F2RL1: variants seen among roughly 807,000 people sequenced by gnomAD.
The protein encoded by F2RL1 is proteinase-activated receptor 2.
Under a neutral mutation model 21.7 loss-of-function variants are expected in F2RL1, and 16 were observed. The ratio of observed to expected loss-of-function variants is 0.74; its 90% CI spans 0.50 to 1.12. F2RL1 has a LOEUF of 1.12. Among genes scored for constraint, F2RL1 ranks in the 50% most tolerant of loss-of-function variants. The pLI, the probability that F2RL1 is intolerant of heterozygous loss-of-function variation, is 0.00. For missense variants in F2RL1, 432 were observed against 477.8 expected (o/e 0.90, Z 0.89); for synonymous variants, 181 against 186.7 (o/e 0.97, Z 0.25).
intron 1 of F2RL1, 107 bp downstream of exon 1, chr5:76,819,371 C>A: frequency 1.1e-6 from 1 of 919,348 alleles, no homozygotes; most frequent in South Asian, 1.7e-5. Context: ...GTTCTGCTGC[C>A]GGCACCCATC....
intron 1 of F2RL1, among the ~76,000 whole-genome samples, chr5:76,826,855 G>T (rs557858966): frequency 2.7e-5 from 4 of 149,914 alleles, no homozygotes; most frequent in African/African-American, 9.8e-5. Context: ...TGGACATTTG[G>T]ATTGTTTCCA....
chr5:76,828,247 G>A (rs1750281276), intron 1 of F2RL1, among the ~76,000 whole-genome samples: 1 of 152,132 alleles, frequency 6.6e-6, no homozygotes, highest in South Asian at 2.1e-4. Flanking sequence ...GGGATTAGAG[G>A]TGTGAGCTAC....
chr5:76,833,924 T>C lies in F2RL1; in HGVS notation c.*123T>C. The C allele has an allele frequency of 1.9e-6, 2 of 1,050,562 alleles. No individual in the cohort carries two copies. The highest frequency in any genetic ancestry group is 3.3e-5 in the South Asian group (2 of 60,978). The allele number at this position is 1,050,562 out of a possible 1,614,324, so 65.1% of individuals were successfully genotyped here. A position where few individuals can be genotyped will look rare whatever the true frequency, so the allele number is the denominator to read the frequency against. ...CCACATACCATGTGGATGCAGCACC[T>C]CTCAGGATTGCTAGGAGCTCCCCTG... On this transcript the variant is annotated 3_prime_UTR_variant, in exon 2 of 2. Coordinates refer to ENST00000296677, the MANE Select transcript of F2RL1 (RefSeq NM_005242.6).
At chr5:76,824,157 A>ACC (rs1431155066) in intron 1 of F2RL1, among the ~76,000 whole-genome samples, 141 of 52,270 alleles carry the variant, frequency 2.7e-3, no homozygotes, top group Admixed American at 4.0e-3. Flanking sequence ...CCTCCCCACC[A>ACC]CACCCCCCCC....
intron 1 of F2RL1, 136 bp downstream of exon 1, chr5:76,819,400 T>A: frequency 2.7e-6 from 2 of 731,524 alleles, no homozygotes; most frequent in Non-Finnish European, 4.3e-6. Context: ...TCCCTTAGCC[T>A]CCCCTTGGTG....
At chr5:76,820,854 C>T (rs1221081358) in intron 1 of F2RL1, among the ~76,000 whole-genome samples, 1 of 152,152 alleles carries the variant, frequency 6.6e-6, no homozygotes, top group Non-Finnish European at 1.5e-5. Context: ...CCTCATCCTC[C>T]CCCCACCATA....
rs1168103965 is a variant in F2RL1 at position 76,833,762 on chromosome 5, T to C, written c.1155T>C (p.Ser385=). 6.2e-7 allele frequency: 1 copy of C among 1,613,964 alleles called. No homozygotes were observed. The highest frequency in any genetic ancestry group is 2.2e-5 in the East Asian group (1 of 44,864). ...TSKKHSRKSS[S]YSSSSTTVKT... Reference sequence around the variant, plus strand: ...AGAAACACTCCAGGAAATCCAGCTCTTACTCTTCAAGTTCAACCACTGTTA... The same window carrying C: ...AGAAACACTCCAGGAAATCCAGCTCCTACTCTTCAAGTTCAACCACTGTTA... The change falls in exon 2 of 2, where the codon TCT becomes TCC. Residue 385 remains serine (S), a synonymous_variant. Coordinates refer to ENST00000296677, the MANE Select transcript of F2RL1 (RefSeq NM_005242.6).
In F2RL1 at chr5:76,819,258, A is replaced by G; in HGVS notation, c.76A>G (p.Ile26Val). The change falls in exon 1 of 2, where the codon ATC becomes GTC. Residue 26 changes from isoleucine to valine, a missense_variant. By Grantham distance (29) the Ile-to-Val change is conservative. Coordinates refer to ENST00000296677, the MANE Select transcript of F2RL1 (RefSeq NM_005242.6). ...AGCCTCTCTCTCCTGCAGTGGCACCATCCAAGGTGAGAAACCTGGCCAAGG... is the reference window on the plus strand; with the variant it reads ...AGCCTCTCTCTCCTGCAGTGGCACCGTCCAAGGTGAGAAACCTGGCCAAGG... The part of the protein sequence containing the change: ...LAASLSCSGT[I>V]QGTSRSSKGR... 1 of 1,590,412 alleles carries G rather than the reference A, an allele frequency of 6.3e-7. No individual in the cohort carries two copies. Among genetic ancestry groups the G allele is most frequent in the Non-Finnish European group, 8.5e-7 (1 of 1,177,130 alleles).
intron 1 of F2RL1, among the ~76,000 whole-genome samples, chr5:76,830,821 A>G (rs1388828688): frequency 6.6e-6 from 1 of 152,222 alleles, no homozygotes; most frequent in East Asian, 1.9e-4. Context: ...CCAGGCTAGC[A>G]TCCCAAATAG....
intron 1 of F2RL1, among the ~76,000 whole-genome samples, chr5:76,826,213 A>C (rs1384641994): frequency 6.6e-6 from 1 of 151,944 alleles, no homozygotes; most frequent in Non-Finnish European, 1.5e-5. Context: ...CATATCAGAT[A>C]ATTTGCACAC....
intron 1 of F2RL1, among the ~76,000 whole-genome samples, chr5:76,819,668 A>AG (rs2150603730): frequency 6.6e-6 from 1 of 152,232 alleles, no homozygotes; most frequent in African/African-American, 2.4e-5. Context: ...TAAGTCATTA[A>AG]GAGCTTTTTG....
Position 76,833,033 on chromosome 5 carries a change from T to A in F2RL1, c.426T>A (p.Ile142=). Residue 142 remains isoleucine (I), a synonymous_variant, in exon 2 of 2, where the codon ATT becomes ATA. Transcript: ENST00000296677. The part of the protein sequence containing the change: ...IAYHIHGNNW[I]YGEALCNVLI... The stretch of plus-strand genomic sequence containing the variant: ...ATCACATACATGGCAACAACTGGAT[T>A]TATGGGGAAGCTCTTTGTAATGTGC... 6.2e-7 allele frequency: 1 copy of A among 1,614,166 alleles called. No individual in the cohort carries two copies. Among genetic ancestry groups the A allele is most frequent in the Non-Finnish European group, 8.5e-7 (1 of 1,179,986 alleles).
intron 1 of F2RL1, among the ~76,000 whole-genome samples, chr5:76,827,745 G>A (rs3135471): frequency 0.18 from 27,908 of 151,316 alleles, 3,171 homozygotes; most frequent in South Asian, 0.29. Flanking sequence ...GACTATAGGC[G>A]TGTGCCACCA....
chr5:76,821,642 A>G lies in F2RL1; in HGVS notation c.82+2378A>G, dbSNP rs2243006. Among the ~76,000 whole-genome samples the G allele has an allele frequency of 4.5e-3, 656 of 147,264 alleles. 6 individuals carry two copies. Among genetic ancestry groups the G allele is most frequent in the African/African-American group, 0.015 (610 of 39,936 alleles). On this transcript the variant is annotated intron_variant, in intron 1 of 1. Transcript: ENST00000296677. The stretch of plus-strand genomic sequence containing the variant: ...GCCCAGGCTTGAGTGCAGTGGTGCA[A>G]TTTTGGCTCATTGCAACCTCCACCT...
chr5:76,832,966 C>T lies in F2RL1; in HGVS notation c.359C>T (p.Ala120Val), dbSNP rs1283196455. Residue 120 changes from alanine to valine, a missense_variant, in exon 2 of 2, where the codon GCT becomes GTT. Physicochemically the swap from Ala to Val is moderately conservative, Grantham distance 64. Coordinates refer to ENST00000296677, the MANE Select transcript of F2RL1 (RefSeq NM_005242.6). ...ATTTACATGGCCAATCTGGCCTTGG[C>T]TGACCTCCTCTCTGTCATCTGGTTC... is the stretch of plus-strand genomic sequence containing the variant. ...AVIYMANLALADLLSVIWFPL... is the reference protein window; with the variant it reads ...AVIYMANLALVDLLSVIWFPL... The T allele has an allele frequency of 6.2e-7, 1 of 1,614,126 alleles. No homozygotes were observed. Among genetic ancestry groups the T allele is most frequent in the African/African-American group, 1.3e-5 (1 of 74,950 alleles).
At position 76,833,145 on chromosome 5, in the gene F2RL1, C is replaced by T. The variant is rs147408272; in HGVS notation, c.538C>T (p.Pro180Ser). The T allele has an allele frequency of 1.5e-5, 25 of 1,614,054 alleles. No homozygotes were observed. The highest frequency in any genetic ancestry group is 2.1e-5 in the Non-Finnish European group (25 of 1,180,040). The stretch of plus-strand genomic sequence containing the variant: ...GCAGAGGTATTGGGTCATCGTGAAC[C>T]CCATGGGGCACTCCAGGAAGAAGGC... ...SVQRYWVIVN[P>S]MGHSRKKANI... The change falls in exon 2 of 2, where the codon CCC becomes TCC. Residue 180 changes from proline to serine, a missense_variant. Transcript: ENST00000296677.
intron 1 of F2RL1, among the ~76,000 whole-genome samples, chr5:76,824,402 GC>G (rs1750202538): frequency 6.6e-6 from 1 of 151,578 alleles, no homozygotes; most frequent in Admixed American, 6.6e-5. Flanking sequence ...TGTGATCTCA[GC>G]TCACTGCAAC....
Position 76,833,627 on chromosome 5 carries a change from C to T in F2RL1, c.1020C>T (p.Asp340=). The T allele has an allele frequency of 1.9e-6, 3 of 1,613,954 alleles. No individual in the cohort carries two copies. The highest frequency in any genetic ancestry group is 2.2e-5 in the East Asian group (1 of 44,830). ...LCLSTLNSCI[D]PFVYYFVSHD... is the part of the protein sequence containing the mutation. Reference sequence around the variant, plus strand: ...TCTCTACCCTTAACAGCTGCATCGACCCCTTTGTCTATTACTTTGTTTCAC... The same window carrying T: ...TCTCTACCCTTAACAGCTGCATCGATCCCTTTGTCTATTACTTTGTTTCAC... The change falls in exon 2 of 2, where the codon GAC becomes GAT. Residue 340 remains aspartate (D), a synonymous_variant. Coordinates refer to ENST00000296677, the MANE Select transcript of F2RL1 (RefSeq NM_005242.6).
At chr5:76,824,334 G>A (rs1750201509) in intron 1 of F2RL1, among the ~76,000 whole-genome samples, 4 of 147,376 alleles carry the variant, frequency 2.7e-5, no homozygotes. Flanking sequence ...CCCTCTTCCC[G>A]CCCATCCCCG....
Sources: gnomAD v4.1 joint callset for allele counts (sites outside exome capture counted in the v4.1 genomes callset) on GRCh38, gnomAD v4.1.1 for gene constraint, MANE v1.5 for transcripts, NCBI Gene and HGNC (gene_info 2026-07-23, HGNC 2026-07-21) for gene names.